Variants in HSPA12A observed in about 807,000 individuals in gnomAD.
The protein encoded by HSPA12A is heat shock 70 kDa protein 12A.
HSPA12A carries 28 observed loss-of-function variants against 69.2 expected under a neutral mutation model. The ratio of observed to expected loss-of-function variants is 0.40; its 90% CI spans 0.30 to 0.55. HSPA12A has a LOEUF of 0.55. Ranked by LOEUF, HSPA12A falls within the 20% of genes least tolerant of loss-of-function variation. The pLI is 0.38. For synonymous variants in HSPA12A, 345 were observed against 370.5 expected (o/e 0.93, Z 0.79); for missense variants, 686 against 900.7 (o/e 0.76, Z 3.05).
At chr10:116,713,188 C>A (rs1237122770) in intron 1 of HSPA12A, among the ~76,000 whole-genome samples, 1 of 150,952 alleles carries the variant, frequency 6.6e-6, no homozygotes, top group African/African-American at 2.4e-5. Flanking sequence ...TGGCAAACAT[C>A]TTTTCAGAAG....
At chr10:116,839,443 A>C (rs1845768266) in intron 1 of HSPA12A, among the ~76,000 whole-genome samples, 2 of 152,088 alleles carry the variant, frequency 1.3e-5, no homozygotes, top group Admixed American at 1.3e-4. Flanking sequence ...GAGTCTTCCC[A>C]TACCCTTGTT....
rs893923563 is a variant in HSPA12A, at chr10:116,770,632, G to A, written c.92-63347C>T. Among the ~76,000 whole-genome samples the A allele has an allele frequency of 4.6e-5, 7 of 152,134 alleles. 1 individual carries two copies. The East Asian group carries it at 1.4e-3, about 29-fold the overall frequency. ...AGGAGGCCAGTGGCAGAGACGCCGA[G>A]CTCCAGCTGGAGTGCTAGAGTCTGC... On this transcript the variant is annotated intron_variant, in intron 2 of 12. Transcript: ENST00000635765.
intron 2 of HSPA12A, among the ~76,000 whole-genome samples, chr10:116,815,188 T>C (rs1845272961): frequency 6.8e-6 from 1 of 147,556 alleles, no homozygotes; most frequent in African/African-American, 2.5e-5. Context: ...CTCTTCCAAC[T>C]TTGGGTCACC....
intron 1 of HSPA12A, among the ~76,000 whole-genome samples, chr10:116,721,509 C>G (rs906280550): frequency 6.6e-6 from 1 of 152,190 alleles, no homozygotes; most frequent in Non-Finnish European, 1.5e-5. Context: ...AGGCAAAATA[C>G]TGACCATTAA....
At chr10:116,768,567 G>C (rs1564813062) in intron 2 of HSPA12A, among the ~76,000 whole-genome samples, 1 of 152,180 alleles carries the variant, frequency 6.6e-6, no homozygotes, top group Non-Finnish European at 1.5e-5. Flanking sequence ...CGGCTGGAGA[G>C]GAGTGGTGCA....
At chr10:116,811,121 G>A (rs563682358) in intron 2 of HSPA12A, among the ~76,000 whole-genome samples, 1 of 152,256 alleles carries the variant, frequency 6.6e-6, no homozygotes, top group East Asian at 1.9e-4. Flanking sequence ...GAACTAATGG[G>A]TGAGCAACAG....
chr10:116,772,450 A>T (rs376685747), intron 2 of HSPA12A, among the ~76,000 whole-genome samples: 1 of 152,218 alleles, frequency 6.6e-6, no homozygotes, highest in South Asian at 2.1e-4. Context: ...CCAGGCCCAA[A>T]CTCAGAGCTC....
At chr10:116,829,778 A>T (rs1210558375) in intron 2 of HSPA12A, 1 of 152,238 alleles carries the variant, frequency 6.6e-6, no homozygotes, top group Non-Finnish European at 1.5e-5. Flanking sequence ...ACAGCATAAC[A>T]GAATCCAAAG....
intron 1 of HSPA12A, among the ~76,000 whole-genome samples, chr10:116,724,871 C>A (rs1481177701): frequency 2.0e-5 from 3 of 152,170 alleles, no homozygotes; most frequent in Non-Finnish European, 4.4e-5. Flanking sequence ...TGAATCAGGA[C>A]CCCCAGTCTC....
chr10:116,750,429 C>T, intron 2 of HSPA12A: 1 of 618,440 alleles, frequency 1.6e-6, no homozygotes. Context: ...CCTCATGGTA[C>T]CCAATGATTC....
rs572738729 is a variant in HSPA12A at position 116,823,730 on chromosome 10, T to C, written c.91+11205A>G. Reference sequence around the variant, plus strand: ...GAAGGTGAACCCCTACATCACACCATATACAAAAATGAATTCTAAATGCAC... The same window carrying C: ...GAAGGTGAACCCCTACATCACACCACATACAAAAATGAATTCTAAATGCAC... On this transcript the variant is annotated intron_variant, in intron 2 of 12. Coordinates refer to the HSPA12A transcript ENST00000635765. Among the ~76,000 whole-genome samples, 134 of 152,288 alleles carry C rather than the reference T, an allele frequency of 8.8e-4. 2 individuals carry two copies. In the South Asian group the frequency reaches 0.027, roughly 30 times the overall value.
intron 2 of HSPA12A, among the ~76,000 whole-genome samples, chr10:116,782,393 G>A (rs1844482758): frequency 6.6e-6 from 1 of 152,194 alleles, no homozygotes; most frequent in South Asian, 2.1e-4. Flanking sequence ...CCAAGCCTGC[G>A]TATATGACAA....
chr10:116,811,284 T>G lies in HSPA12A; in HGVS notation c.91+23651A>C, dbSNP rs148396771. Among the ~76,000 whole-genome samples the G allele has an allele frequency of 1.8e-3, 267 of 152,214 alleles. 4 individuals carry two copies. Among genetic ancestry groups the G allele is most frequent in the African/African-American group, 6.1e-3 (255 of 41,544 alleles). On this transcript the variant is annotated intron_variant, in intron 2 of 12. Coordinates refer to the HSPA12A transcript ENST00000635765. The stretch of plus-strand genomic sequence containing the variant: ...TGGCCAATGCAGAATCAGAGGGAGC[T>G]GAGAGAGACTGAGGCTGAGACTATG...
chr10:116,717,954 C>T (rs1554883973), intron 1 of HSPA12A, among the ~76,000 whole-genome samples: 1 of 152,150 alleles, frequency 6.6e-6, no homozygotes. Flanking sequence ...GCTGTCTGCT[C>T]ACCCCAGGGA....
intron 1 of HSPA12A, among the ~76,000 whole-genome samples, chr10:116,740,682 G>C (rs1015612338): frequency 3.6e-5 from 5 of 137,058 alleles, no homozygotes; most frequent in African/African-American, 1.5e-4. Flanking sequence ...GTGTCTGTGT[G>C]TGTGTGTGTG....
intron 1 of HSPA12A, among the ~76,000 whole-genome samples, chr10:116,738,238 G>C (rs1199176578): frequency 1.3e-5 from 2 of 152,302 alleles, no homozygotes; most frequent in Non-Finnish European, 2.9e-5. Flanking sequence ...CCACTCCTGA[G>C]CATCCACATT....
At chr10:116,799,001 C>T (rs903750395) in intron 2 of HSPA12A, among the ~76,000 whole-genome samples, 2 of 152,120 alleles carry the variant, frequency 1.3e-5, no homozygotes, top group African/African-American at 4.8e-5. Context: ...ACAGGGCCCA[C>T]TGGCGAGATG....
chr10:116,821,790 G>A (rs905806322), intron 2 of HSPA12A, among the ~76,000 whole-genome samples: 2 of 152,210 alleles, frequency 1.3e-5, no homozygotes, highest in Non-Finnish European at 2.9e-5. Flanking sequence ...ATCTACCACA[G>A]TGGGCTGGAC....
At chr10:116,738,823 T>C (rs1173869938) in intron 1 of HSPA12A, among the ~76,000 whole-genome samples, 1 of 151,962 alleles carries the variant, frequency 6.6e-6, no homozygotes, top group African/African-American at 2.4e-5. Flanking sequence ...ACTGCATGTG[T>C]CCAGGGCCAA....
Sources: gnomAD v4.1 joint callset for allele counts (sites outside exome capture counted in the v4.1 genomes callset) on GRCh38, gnomAD v4.1.1 for gene constraint, MANE v1.5 for transcripts, NCBI Gene and HGNC (gene_info 2026-07-23, HGNC 2026-07-21) for gene names.